The following VPS4B variants were observed in gnomAD, a reference collection of about 807,000 sequenced individuals.
VPS4B encodes vacuolar protein sorting-associated protein 4B.
In VPS4B, 23 loss-of-function variants were observed where a neutral mutation model predicts 56.1. That is an observed-to-expected ratio of 0.41 (90% CI 0.30 to 0.58). The LOEUF is 0.58. Ranked by LOEUF, VPS4B falls within the 20% of genes least tolerant of loss-of-function variation. The pLI, the probability that VPS4B is intolerant of heterozygous loss-of-function variation, is 0.29. For missense variants in VPS4B, 372 were observed against 531.9 expected (o/e 0.70, Z 2.96); for synonymous variants, 177 against 186.0 (o/e 0.95, Z 0.39).
At chr18:63,409,757 C>T (rs1005781978) in intron 3 of VPS4B, among the ~76,000 whole-genome samples, 3 of 152,182 alleles carry the variant, frequency 2.0e-5, no homozygotes, top group Non-Finnish European at 4.4e-5. Flanking sequence ...CACAAATTCA[C>T]ATCAAAAAAT....
At chr18:63,399,377 A>T in intron 7 of VPS4B, 54 bp from the exon 8 acceptor site, 1 of 1,477,080 alleles carries the variant, frequency 6.8e-7, no homozygotes, top group Admixed American at 1.7e-5. Flanking sequence ...TGTTCTTTAA[A>T]CTTCTTCCAT....
At chr18:63,414,473 C>T (rs1017321047) in intron 1 of VPS4B, among the ~76,000 whole-genome samples, 2 of 152,156 alleles carry the variant, frequency 1.3e-5, no homozygotes, top group South Asian at 2.1e-4. Flanking sequence ...TCACTCTTGT[C>T]GCCCAGACTG....
rs1055004 is a variant in VPS4B, at chr18:63,390,456, A to G, written c.*519T>C. ...TTAAAAACTATTAAGAGCACTGTCT[A>G]TAATTCAAAATCTTTCAAACCCAAT... On this transcript the variant is annotated 3_prime_UTR_variant, in exon 11 of 11. Transcript: ENST00000238497. The G allele has an allele frequency of 0.055, 8,391 of 152,838 alleles. 735 individuals are homozygous for G. Among genetic ancestry groups the G allele is most frequent in the African/African-American group, 0.18 (7,597 of 41,534 alleles). The allele number at this position is 152,838 out of a possible 1,614,324, so 9.5% of individuals were successfully genotyped here.
chr18:63,416,659 A>G (rs1599367692), intron 1 of VPS4B, among the ~76,000 whole-genome samples: 1 of 152,164 alleles, frequency 6.6e-6, no homozygotes, highest in Non-Finnish European at 1.5e-5. Context: ...ATTAAAAACA[A>G]TAAAATCCTG....
At chr18:63,420,555 A>C (rs182065061) in intron 1 of VPS4B, among the ~76,000 whole-genome samples, 6 of 152,342 alleles carry the variant, frequency 3.9e-5, no homozygotes, top group African/African-American at 1.4e-4. Flanking sequence ...AAATTGTTAA[A>C]AAGCCAACGA....
intron 8 of VPS4B, among the ~76,000 whole-genome samples, chr18:63,398,204 C>CACACATATATATATATAT (rs1298374245): frequency 8.9e-6 from 1 of 112,446 alleles, no homozygotes; most frequent in African/African-American, 3.3e-5. Context: ...CACACACACA[C>CACACATATATATATATAT]ATATATATAT....
intron 10 of VPS4B, among the ~76,000 whole-genome samples, chr18:63,391,420 G>A (rs1915547726): frequency 6.6e-6 from 1 of 152,046 alleles, no homozygotes; most frequent in East Asian, 1.9e-4. Flanking sequence ...GTAGAGATGG[G>A]GTTTCGTTTT....
In VPS4B at chr18:63,422,352, C is replaced by A. The variant is rs944608471; in HGVS notation, c.-93G>T. Reference sequence around the variant, plus strand: ...CGCGCACGGGGTAACAGCCCTCAAACTGGGGAGGCCGGTGGTTCTCGGACC... The same window carrying A: ...CGCGCACGGGGTAACAGCCCTCAAAATGGGGAGGCCGGTGGTTCTCGGACC... On this transcript the variant is annotated 5_prime_UTR_variant, in exon 1 of 11. Transcript: ENST00000238497. 81 of 1,259,422 alleles carry A rather than the reference C, an allele frequency of 6.4e-5. No individual in the cohort carries two copies. The highest frequency in any genetic ancestry group is 8.1e-5 in the Non-Finnish European group (78 of 957,066). The allele number at this position is 1,259,422 out of a possible 1,614,324, so 78.0% of individuals were successfully genotyped here.
chr18:63,399,250 A>C lies in VPS4B; in HGVS notation c.864T>G (p.Ile288Met), dbSNP rs760270615. Residue 288 changes from isoleucine (I) to methionine (M), a missense_variant, in exon 8 of 11, where the codon ATT becomes ATG. Around this residue, in one of 3 missense-constraint regions of VPS4B, gnomAD observed 66 missense variants for 150.7 expected, o/e 0.44. Transcript: ENST00000238497. ...TTACTATATTATCCTACCTTCGCCT[A>C]ATGGCAGAATCCAGAACCCAGGGTA... ...TNIPWVLDSA[I>M]RRRFEKRIYI... The C allele has an allele frequency of 1.2e-6, 2 of 1,613,572 alleles. No individual in the cohort carries two copies. The highest frequency in any genetic ancestry group is 1.7e-5 in the Admixed American group (1 of 60,010).
rs1398863792 is a variant in VPS4B at position 63,411,462 on chromosome 18, C to G, written c.139+5G>C. The G allele has an allele frequency of 1.3e-6, 2 of 1,515,174 alleles. No homozygotes were observed. Among genetic ancestry groups the G allele is most frequent in the South Asian group, 2.6e-5 (2 of 75,816 alleles). 93.9% of individuals were successfully genotyped at this position (1,515,174 alleles called of 1,614,324 possible). On this transcript the variant is annotated splice_donor_5th_base_variant and intron_variant, in intron 2 of 10. Coordinates refer to ENST00000238497, the MANE Select transcript of VPS4B (RefSeq NM_004869.4). The stretch of plus-strand genomic sequence containing the variant: ...TTTTAAATAAAATATAACCTATGGC[C>G]TCACATTTAACGACATGAAGAAAAT...
intron 4 of VPS4B, among the ~76,000 whole-genome samples, chr18:63,406,189 G>T (rs1915913155): frequency 6.6e-6 from 1 of 152,222 alleles, no homozygotes; most frequent in Non-Finnish European, 1.5e-5. Flanking sequence ...TGAGTGCGCA[G>T]TGTGTGCCAG....
At position 63,400,536 on chromosome 18, in the gene VPS4B, T is replaced by G. The variant is rs1915786683; in HGVS notation, c.641+11A>C. The stretch of plus-strand genomic sequence containing the variant: ...AAAGAAAAAACTTTAAAAAATTGAT[T>G]TACTACTTACTTTTCACTTTCACCT... On this transcript the variant is annotated intron_variant, in intron 6 of 10. Coordinates refer to ENST00000238497, the MANE Select transcript of VPS4B (RefSeq NM_004869.4). 2 of 1,599,932 alleles carry G rather than the reference T, an allele frequency of 1.3e-6. No individual in the cohort carries two copies. Among genetic ancestry groups the G allele is most frequent in the Non-Finnish European group, 1.7e-6 (2 of 1,176,654 alleles).
chr18:63,402,814 T>G (rs1915840032), intron 5 of VPS4B, among the ~76,000 whole-genome samples: 1 of 152,208 alleles, frequency 6.6e-6, no homozygotes, highest in African/African-American at 2.4e-5. Context: ...AGGCGGACAG[T>G]GCGTGGCCTA....
chr18:63,414,434 CTT>C (rs1199022320), intron 1 of VPS4B, among the ~76,000 whole-genome samples: 1 of 152,060 alleles, frequency 6.6e-6, no homozygotes, highest in Non-Finnish European at 1.5e-5. Context: ...GAAATAAATC[CTT>C]TTTCTTTTTT....
intron 1 of VPS4B, among the ~76,000 whole-genome samples, chr18:63,413,538 CAAA>C (rs11363766): frequency 0.028 from 2,270 of 81,730 alleles, 52 homozygotes; most frequent in African/African-American, 0.081. Flanking sequence ...GACTCCACCT[CAAA>C]AAAAAAAAAA....
chr18:63,397,498 C>G (rs1915697948), intron 8 of VPS4B, among the ~76,000 whole-genome samples: 1 of 152,228 alleles, frequency 6.6e-6, no homozygotes, highest in Admixed American at 6.5e-5. Context: ...GTTCCTATGT[C>G]TGGAATTCAT....
intron 8 of VPS4B, among the ~76,000 whole-genome samples, chr18:63,398,713 T>TA (rs1915740211): frequency 6.6e-6 from 1 of 151,624 alleles, no homozygotes; most frequent in Non-Finnish European, 1.5e-5. Flanking sequence ...TGCATACCTG[T>TA]AGTCCCAGCT....
At chr18:63,407,941 A>G (rs975898023) in intron 3 of VPS4B, among the ~76,000 whole-genome samples, 8 of 152,200 alleles carry the variant, frequency 5.3e-5, no homozygotes, top group African/African-American at 1.9e-4. Context: ...AAGGTCTACA[A>G]CCCTTAGTCT....
At chr18:63,410,098 G>T (rs573237829) in intron 3 of VPS4B, among the ~76,000 whole-genome samples, 192 bp downstream of exon 3, 3 of 152,140 alleles carry the variant, frequency 2.0e-5, no homozygotes, top group African/African-American at 7.2e-5. Context: ...GTTACGGCAC[G>T]AAAGCAGCCC....
Sources: allele counts gnomAD v4.1 joint callset (sites outside exome capture counted in the v4.1 genomes callset), GRCh38; gene constraint gnomAD v4.1.1; regional missense constraint gnomAD v4.1.1; transcripts MANE v1.5; gene names NCBI Gene and HGNC (gene_info 2026-07-23, HGNC 2026-07-21).